The following FBXO11 variants were observed in gnomAD, a reference collection of about 807,000 sequenced individuals.
The protein encoded by FBXO11 is F-box only protein 11.
FBXO11 carries 13 observed loss-of-function variants against 117.0 expected under a neutral mutation model. That is an observed-to-expected ratio of 0.11 (90% CI 0.07 to 0.18). The LOEUF is 0.18. Ranked by LOEUF, FBXO11 falls within the 10% of genes least tolerant of loss-of-function variation. The pLI is 1.00. For synonymous variants in FBXO11, 490 were observed against 380.5 expected, an observed-to-expected ratio of 1.29 and a Z score of -3.35; for missense variants, 767 against 1,164.4, an observed-to-expected ratio of 0.66 and a Z score of 4.97.
intron 1 of FBXO11, among the ~76,000 whole-genome samples, chr2:47,889,037 ACATT>A (rs1261716499): frequency 1.1e-4 from 17 of 152,098 alleles, no homozygotes; most frequent in Admixed American, 9.2e-4. Context: ...GAAAACAGAA[ACATT>A]CATTCACTAA....
chr2:47,879,687 A>C (rs537992663), intron 1 of FBXO11, among the ~76,000 whole-genome samples: 8 of 152,206 alleles, frequency 5.3e-5, no homozygotes, highest in Non-Finnish European at 1.0e-4. Context: ...AAGTTTTGCT[A>C]ATTCCTAACT....
At chr2:47,900,670 ATATACACACG>A (rs1427347509) in intron 1 of FBXO11, among the ~76,000 whole-genome samples, 1 of 106,148 alleles carries the variant, frequency 9.4e-6, no homozygotes, top group Non-Finnish European at 1.9e-5. Context: ...ACACGTACGT[ATATACACACG>A]TATACACACA....
intron 11 of FBXO11, among the ~76,000 whole-genome samples, chr2:47,831,268 T>C (rs1002991464): frequency 2.6e-5 from 4 of 151,460 alleles, no homozygotes; most frequent in Non-Finnish European, 4.4e-5. Context: ...AATACAAAAT[T>C]AGGCAGGCGT....
intron 1 of FBXO11, among the ~76,000 whole-genome samples, chr2:47,854,279 C>G (rs866252832): frequency 8.6e-4 from 129 of 150,692 alleles, no homozygotes; most frequent in African/African-American, 2.8e-3. Context: ...TTAAACCTAC[C>G]TATCTCTACC....
Position 47,846,745 on chromosome 2 carries a change from T to C in FBXO11, c.233-6976A>G, listed in dbSNP as rs1345737355. On this transcript the variant is annotated intron_variant, in intron 1 of 22. Coordinates refer to ENST00000403359, the MANE Select transcript of FBXO11 (RefSeq NM_001190274.2). ...AACATATTAAATCTGAAATATATCA[T>C]TTCAATATGTAAATATAAAATTATT... is the stretch of plus-strand genomic sequence containing the variant. 7.9e-5 allele frequency among the ~76,000 whole-genome samples: 12 copies of C among 151,926 alleles called. No homozygotes were observed. In the East Asian group the frequency reaches 2.3e-3, roughly 29 times the overall value.
At chr2:47,840,961 G>C (rs1445065091) in intron 1 of FBXO11, among the ~76,000 whole-genome samples, 1 of 152,098 alleles carries the variant, frequency 6.6e-6, no homozygotes, top group Non-Finnish European at 1.5e-5. Context: ...CACTTTGGGA[G>C]GCCAAGGTGG....
chr2:47,851,508 T>C (rs1248460057), intron 1 of FBXO11, among the ~76,000 whole-genome samples: 1 of 152,154 alleles, frequency 6.6e-6, no homozygotes, highest in Non-Finnish European at 1.5e-5. Context: ...ATTACAGGTG[T>C]GAGCCACCGC....
At chr2:47,830,885 C>T (rs1051293134) in intron 11 of FBXO11, among the ~76,000 whole-genome samples, 1 of 152,078 alleles carries the variant, frequency 6.6e-6, no homozygotes, top group African/African-American at 2.4e-5. Context: ...CTGCAACCTC[C>T]GTCTCCTGGG....
chr2:47,809,947 T>C (rs1670500900), intron 19 of FBXO11: 6 of 509,756 alleles, frequency 1.2e-5, no homozygotes, highest in Non-Finnish European at 2.1e-5. Flanking sequence ...TTTAAATACA[T>C]GATACTTGGA....
intron 11 of FBXO11, among the ~76,000 whole-genome samples, chr2:47,829,067 A>C (rs913095001): frequency 6.6e-6 from 1 of 151,750 alleles, no homozygotes; most frequent in Non-Finnish European, 1.5e-5. Flanking sequence ...GATTACAGGC[A>C]CACGCCACCA....
At chr2:47,897,058 G>A (rs2104021452) in intron 1 of FBXO11, among the ~76,000 whole-genome samples, 1 of 152,066 alleles carries the variant, frequency 6.6e-6, no homozygotes, top group Non-Finnish European at 1.5e-5. Flanking sequence ...AATTATGTGG[G>A]AAGAAACAAT....
intron 1 of FBXO11, among the ~76,000 whole-genome samples, chr2:47,874,935 G>C (rs1000037456): frequency 7.1e-6 from 1 of 140,010 alleles, no homozygotes; most frequent in South Asian, 2.3e-4. Flanking sequence ...TATTCCTGTT[G>C]AATGACTAAC....
intron 1 of FBXO11, among the ~76,000 whole-genome samples, chr2:47,840,360 G>A (rs1263721779): frequency 6.6e-6 from 1 of 152,020 alleles, no homozygotes; most frequent in Non-Finnish European, 1.5e-5. Context: ...TTGGCAAGGA[G>A]TGTGTCTATG....
intron 1 of FBXO11, among the ~76,000 whole-genome samples, chr2:47,891,069 C>T (rs1677227561): frequency 6.6e-6 from 1 of 152,020 alleles, no homozygotes; most frequent in South Asian, 2.1e-4. Context: ...AGCGATCCTC[C>T]TGCCTCTGCC....
At chr2:47,869,843 T>C (rs770559396) in intron 1 of FBXO11, among the ~76,000 whole-genome samples, 1 of 152,150 alleles carries the variant, frequency 6.6e-6, no homozygotes, top group Non-Finnish European at 1.5e-5. Context: ...ACCTGGCTAA[T>C]TGTTTTATTT....
intron 1 of FBXO11, among the ~76,000 whole-genome samples, chr2:47,862,303 G>A (rs2103756155): frequency 6.6e-6 from 1 of 152,248 alleles, no homozygotes; most frequent in East Asian, 1.9e-4. Flanking sequence ...AAGCTCCGCT[G>A]TTCAAGATAC....
chr2:47,892,360 T>G, intron 1 of FBXO11, among the ~76,000 whole-genome samples: 1 of 152,272 alleles, frequency 6.6e-6, no homozygotes. Context: ...ATTTTCTGTT[T>G]CATTGCATGT....
chr2:47,868,805 G>A (rs1457579021), intron 1 of FBXO11, among the ~76,000 whole-genome samples: 2 of 152,196 alleles, frequency 1.3e-5, no homozygotes, highest in African/African-American at 4.8e-5. Context: ...ACCATTTCCT[G>A]GGGTGATCAG....
intron 1 of FBXO11, among the ~76,000 whole-genome samples, chr2:47,840,803 T>G (rs1356845439): frequency 7.4e-6 from 1 of 134,870 alleles, no homozygotes; most frequent in Admixed American, 7.4e-5. Flanking sequence ...TGTCTCAAAA[T>G]CAGTCAGTCA....
Sources: allele counts gnomAD v4.1 joint callset (sites outside exome capture counted in the v4.1 genomes callset), GRCh38; gene constraint gnomAD v4.1.1; transcripts MANE v1.5; gene names NCBI Gene and HGNC (gene_info 2026-07-23, HGNC 2026-07-21).